The following YAP1 variants were observed in gnomAD, a reference collection of about 807,000 sequenced individuals.
YAP1 encodes the protein transcriptional coactivator YAP1.
Under a neutral mutation model 56.9 loss-of-function variants are expected in YAP1, and 5 were observed. The ratio of observed to expected loss-of-function variants is 0.09; its 90% CI spans 0.05 to 0.18. The LOEUF (loss-of-function observed/expected upper bound fraction) is 0.18. Among genes scored for constraint, YAP1 ranks in the 10% least tolerant of loss-of-function variants. YAP1 has a pLI of 1.00. For missense variants in YAP1, 539 were observed against 651.8 expected (o/e 0.83, Z 1.88); for synonymous variants, 265 against 248.1 (o/e 1.07, Z -0.64).
intron 2 of YAP1, among the ~76,000 whole-genome samples, chr11:102,126,483 T>C (rs1015821656): frequency 1.3e-5 from 2 of 152,190 alleles, no homozygotes; most frequent in Non-Finnish European, 2.9e-5. Flanking sequence ...TATCAGGGGT[T>C]TCCGCTTTTG....
intron 2 of YAP1, among the ~76,000 whole-genome samples, chr11:102,156,691 A>G (rs570997011): frequency 1.4e-3 from 210 of 152,346 alleles, no homozygotes; most frequent in Admixed American, 4.4e-3. Context: ...GAATATTCTC[A>G]GTCACTATGG....
chr11:102,164,053 A>G (rs146086993), intron 3 of YAP1, among the ~76,000 whole-genome samples: 1 of 92,376 alleles, frequency 1.1e-5, no homozygotes, highest in Non-Finnish European at 2.4e-5. Flanking sequence ...TTTTTTTTTT[A>G]TTGAGACGGA....
rs1406485273 is a variant in YAP1, at chr11:102,230,050, A to AC, written c.*111dup. On this transcript the variant is annotated 3_prime_UTR_variant, in exon 9 of 9. Coordinates refer to ENST00000282441, the MANE Select transcript of YAP1 (RefSeq NM_001130145.3). Reference sequence around the variant, plus strand: ...TTCAGGCTAATACAGAAAAAGATGAACAAACGTCCAGCAAGATACTTTAAT... The same window carrying AC: ...TTCAGGCTAATACAGAAAAAGATGAACCAAACGTCCAGCAAGATACTTTAAT... 2 of 890,948 alleles carry AC rather than the reference A, an allele frequency of 2.2e-6. No homozygotes were observed. Among genetic ancestry groups the AC allele is most frequent in the African/African-American group, 3.3e-5 (2 of 59,870 alleles). The allele number at this position is 890,948 out of a possible 1,614,324, so 55.2% of individuals were successfully genotyped here. A position where few individuals can be genotyped will look rare whatever the true frequency, so the allele number is the denominator to read the frequency against.
chr11:102,193,605 T>A (rs550418330), intron 4 of YAP1, among the ~76,000 whole-genome samples: 4 of 152,292 alleles, frequency 2.6e-5, no homozygotes, highest in Admixed American at 1.3e-4. Flanking sequence ...AATTTCTACT[T>A]GATCAGTATT....
chr11:102,113,503 T>G (rs1943093236), intron 1 of YAP1, among the ~76,000 whole-genome samples: 1 of 152,210 alleles, frequency 6.6e-6, no homozygotes, highest in Admixed American at 6.5e-5. Context: ...ACTGATAACA[T>G]CTTTATCTTC....
intron 8 of YAP1, among the ~76,000 whole-genome samples, chr11:102,229,024 C>G (rs1950339696): frequency 6.6e-6 from 1 of 152,196 alleles, no homozygotes; most frequent in Non-Finnish European, 1.5e-5. Flanking sequence ...CTGTATTGCT[C>G]TCTTCTCCAG....
chr11:102,230,786 AGTT>A lies in YAP1; in HGVS notation c.*850_*852del, dbSNP rs994765874. The A allele has an allele frequency of 2.0e-5, 3 of 152,470 alleles. No homozygotes were observed. Among genetic ancestry groups the A allele is most frequent in the African/African-American group, 7.2e-5 (3 of 41,472 alleles). The allele number at this position is 152,470 out of a possible 1,614,324, so 9.4% of individuals were successfully genotyped here. A position where few individuals can be genotyped will look rare whatever the true frequency, so the allele number is the denominator to read the frequency against. ...AGTTGTAGCTTGGGATGGTTATTGT[AGTT>A]GTTTTGGTAAAATCTTCATTTCCTG... On this transcript the variant is annotated 3_prime_UTR_variant, in exon 9 of 9. Transcript: ENST00000282441.
At chr11:102,157,655 A>T (rs1591264220) in intron 2 of YAP1, among the ~76,000 whole-genome samples, 1 of 152,220 alleles carries the variant, frequency 6.6e-6, no homozygotes, top group South Asian at 2.1e-4. Flanking sequence ...ATTAGATACT[A>T]GGCTTTGTGA....
intron 3 of YAP1, among the ~76,000 whole-genome samples, chr11:102,171,266 A>G (rs1325037521): frequency 1.3e-5 from 2 of 152,194 alleles, no homozygotes; most frequent in East Asian, 1.9e-4. Context: ...TGGTTACTCT[A>G]TTGCTACAAT....
In YAP1 at chr11:102,171,926, A is replaced by T. The variant is rs142301668; in HGVS notation, c.688+9355A>T. Among the ~76,000 whole-genome samples the T allele has an allele frequency of 1.3e-3, 198 of 152,236 alleles. 1 individual carries two copies. In the East Asian group the frequency reaches 0.018, roughly 14 times the overall value. ...ATGGCAGGACCAGGCGTGGTGGCTC[A>T]CACTTGTAATCCCAGCACTTTGGGA... On this transcript the variant is annotated intron_variant, in intron 3 of 8. Coordinates refer to ENST00000282441, the MANE Select transcript of YAP1 (RefSeq NM_001130145.3).
At chr11:102,209,593 G>GAA in intron 6 of YAP1, 29 bp downstream of exon 6, 1 of 1,414,244 alleles carries the variant, frequency 7.1e-7, no homozygotes, top group Admixed American at 2.7e-5. Flanking sequence ...TTTTAGCACT[G>GAA]GAAAAAAAAA....
chr11:102,159,873 A>G (rs966319625), intron 2 of YAP1, among the ~76,000 whole-genome samples: 1 of 152,104 alleles, frequency 6.6e-6, no homozygotes, highest in African/African-American at 2.4e-5. Flanking sequence ...AAAAGGTTGG[A>G]TAGAAATTAG....
chr11:102,160,385 C>T (rs1354234995), intron 2 of YAP1, among the ~76,000 whole-genome samples: 4 of 152,126 alleles, frequency 2.6e-5, no homozygotes, highest in Admixed American at 6.5e-5. Flanking sequence ...AGCATAATAC[C>T]GCCATAACCA....
rs1291701987 is a variant in YAP1 at position 102,205,980 on chromosome 11, G to A, written c.890G>A (p.Gly297Asp). ...AGCCCACAGGGAGGCGTCATGGGTG[G>A]CAGCAACTCCAACCAGCAGCAACAG... ...PQSPQGGVMG[G>D]SNSNQQQQMR... Residue 297 changes from glycine (G) to aspartate (D), a missense_variant, in exon 5 of 9, where the codon GGC becomes GAC. Transcript: ENST00000282441. 1 of 1,613,702 alleles carries A rather than the reference G, an allele frequency of 6.2e-7. No homozygotes were observed. The highest frequency in any genetic ancestry group is 1.7e-5 in the Admixed American group (1 of 59,998).
At chr11:102,119,264 G>A (rs547833138) in intron 2 of YAP1, among the ~76,000 whole-genome samples, 3 of 152,146 alleles carry the variant, frequency 2.0e-5, no homozygotes, top group Admixed American at 1.3e-4. Context: ...AAGAAAAACA[G>A]TTGGAAGATA....
At chr11:102,226,478 G>A (rs759265070) in intron 7 of YAP1, among the ~76,000 whole-genome samples, 9 of 152,216 alleles carry the variant, frequency 5.9e-5, no homozygotes, top group South Asian at 4.1e-4. Context: ...TGTACAAGCC[G>A]TAGAGAAAGT....
chr11:102,125,182 A>AT (rs1943954542), intron 2 of YAP1, among the ~76,000 whole-genome samples: 1 of 150,902 alleles, frequency 6.6e-6, no homozygotes, highest in Admixed American at 6.6e-5. Context: ...GGACCGGCTA[A>AT]TTTTTGTGTG....
intron 3 of YAP1, among the ~76,000 whole-genome samples, chr11:102,167,930 C>G (rs1946698274): frequency 6.6e-6 from 1 of 152,020 alleles, no homozygotes; most frequent in South Asian, 2.1e-4. Flanking sequence ...GTGGTGCTAG[C>G]AACTTGGGTG....
intron 2 of YAP1, among the ~76,000 whole-genome samples, chr11:102,157,652 A>G (rs1321410795): frequency 6.6e-6 from 1 of 152,260 alleles, no homozygotes; most frequent in Non-Finnish European, 1.5e-5. Context: ...CTCATTAGAT[A>G]CTAGGCTTTG....
Sources: allele counts gnomAD v4.1 joint callset (sites outside exome capture counted in the v4.1 genomes callset), GRCh38; gene constraint gnomAD v4.1.1; transcripts MANE v1.5; gene names NCBI Gene and HGNC (gene_info 2026-07-23, HGNC 2026-07-21).